GLRB: variants seen among roughly 807,000 people sequenced by gnomAD.
GLRB encodes glycine receptor beta, also known as glycine receptor subunit beta.
Under a neutral mutation model 54.2 loss-of-function variants are expected in GLRB, and 33 were observed. The observed-to-expected ratio is 0.61, with a 90% CI of 0.46 to 0.81. GLRB has a LOEUF of 0.81. GLRB is among the 40% of genes least tolerant of loss of function. GLRB has a pLI of 0.00. For missense variants in GLRB, 572 were observed against 584.6 expected, an observed-to-expected ratio of 0.98 and a Z score of 0.22; for synonymous variants, 209 against 208.2, an observed-to-expected ratio of 1.00 and a Z score of -0.03.
intron 4 of GLRB, among the ~76,000 whole-genome samples, chr4:157,127,066 T>A (rs1015826888): frequency 4.0e-5 from 6 of 151,686 alleles, no homozygotes; most frequent in Non-Finnish European, 5.9e-5. Flanking sequence ...AAGAAAAAAA[T>A]TCATATTTGG....
chr4:157,152,752 C>A lies in GLRB; in HGVS notation c.939C>A (p.Cys313Ter). ...CAGTCCTCAGCTTGGCCTCTGAGTGCACAACCCTTGCCGCTGAGCTTCCCA... is the reference window on the plus strand; with the variant it reads ...CAGTCCTCAGCTTGGCCTCTGAGTGAACAACCCTTGCCGCTGAGCTTCCCA... Reference protein sequence around the residue: ...IFSVLSLASECTTLAAELPKV... With the variant: ...IFSVLSLASE The change falls in exon 9 of 10, where the codon TGC (cysteine) becomes TGA (stop). Residue 313 changes from cysteine to a stop codon, truncating the protein, a stop_gained. Coordinates refer to ENST00000264428, the MANE Select transcript of GLRB (RefSeq NM_000824.5). LOFTEE classifies it high-confidence loss of function. The A allele has an allele frequency of 6.2e-7, 1 of 1,613,672 alleles. No individual in the cohort carries two copies. Among genetic ancestry groups the A allele is most frequent in the Non-Finnish European group, 8.5e-7 (1 of 1,179,658 alleles).
chr4:157,080,768 C>T (rs73856811), intron 2 of GLRB, among the ~76,000 whole-genome samples: 3 of 151,762 alleles, frequency 2.0e-5, no homozygotes, highest in Non-Finnish European at 4.4e-5. Context: ...AATTCTTGCC[C>T]AGTGATGTTT....
chr4:157,166,829 A>G (rs764439957), intron 9 of GLRB, among the ~76,000 whole-genome samples: 4 of 152,120 alleles, frequency 2.6e-5, no homozygotes, highest in Non-Finnish European at 2.9e-5. Flanking sequence ...CTCTGTGAAT[A>G]AACATAATAT....
rs543605798 is a variant in GLRB at position 157,125,156 on chromosome 4, T to C, written c.297+2759T>C. Among the ~76,000 whole-genome samples, 100 of 152,012 alleles carry C rather than the reference T, an allele frequency of 6.6e-4. 2 individuals carry two copies. Among genetic ancestry groups the C allele is most frequent in the Non-Finnish European group, 5.9e-5 (4 of 67,912 alleles). Reference sequence around the variant, plus strand: ...AAATAATAGTGATAACACAGAAGTGTAACCCAAAAGGGTATACATGTCTGG... The same window carrying C: ...AAATAATAGTGATAACACAGAAGTGCAACCCAAAAGGGTATACATGTCTGG... On this transcript the variant is annotated intron_variant, in intron 4 of 9. Transcript: ENST00000264428.
At chr4:157,150,816 CT>C (rs1270089586) in intron 8 of GLRB, among the ~76,000 whole-genome samples, 2 of 151,964 alleles carry the variant, frequency 1.3e-5, no homozygotes, top group African/African-American at 2.4e-5. Context: ...AATGTTTTCT[CT>C]GCTTTTTTTC....
At chr4:157,138,405 G>A (rs535448562) in intron 6 of GLRB, among the ~76,000 whole-genome samples, 33 of 152,084 alleles carry the variant, frequency 2.2e-4, no homozygotes, top group Non-Finnish European at 3.8e-4. Flanking sequence ...ATGTTTCAAT[G>A]ATTACATTTC....
intron 8 of GLRB, among the ~76,000 whole-genome samples, chr4:157,151,185 G>C (rs1737009556): frequency 6.6e-6 from 1 of 152,104 alleles, no homozygotes; most frequent in African/African-American, 2.4e-5. Flanking sequence ...AGAGAGGATA[G>C]TGTCAAAATA....
At chr4:157,110,509 G>A (rs1301216573) in intron 2 of GLRB, among the ~76,000 whole-genome samples, 1 of 151,780 alleles carries the variant, frequency 6.6e-6, no homozygotes, top group Non-Finnish European at 1.5e-5. Flanking sequence ...TTTTCTCTTT[G>A]TTGAAATTCA....
intron 6 of GLRB, among the ~76,000 whole-genome samples, chr4:157,138,562 A>G (rs1182773837): frequency 1.3e-5 from 2 of 152,178 alleles, no homozygotes; most frequent in Non-Finnish European, 2.9e-5. Flanking sequence ...ATGCCCTAGG[A>G]TTTTAAATCT....
At chr4:157,088,348 A>G (rs1053362705) in intron 2 of GLRB, among the ~76,000 whole-genome samples, 7 of 152,104 alleles carry the variant, frequency 4.6e-5, no homozygotes, top group African/African-American at 1.4e-4. Flanking sequence ...TATACATTCT[A>G]CTTGTATGTG....
chr4:157,124,554 T>C (rs1239618639), intron 4 of GLRB, among the ~76,000 whole-genome samples: 2 of 151,736 alleles, frequency 1.3e-5, no homozygotes, highest in Non-Finnish European at 2.9e-5. Flanking sequence ...CAATAGTGAG[T>C]GAATAAATGA....
chr4:157,098,943 C>T (rs1233384577), intron 2 of GLRB, among the ~76,000 whole-genome samples: 1 of 152,148 alleles, frequency 6.6e-6, no homozygotes, highest in South Asian at 2.1e-4. Context: ...GAATGCCTTC[C>T]GGTGACTGCT....
intron 2 of GLRB, among the ~76,000 whole-genome samples, chr4:157,091,185 A>G (rs948576084): frequency 2.0e-5 from 3 of 152,212 alleles, no homozygotes; most frequent in African/African-American, 7.2e-5. Context: ...TGAAACGATT[A>G]TAATAGTTTG....
chr4:157,128,639 C>A (rs911234822), intron 4 of GLRB, among the ~76,000 whole-genome samples: 39 of 151,726 alleles, frequency 2.6e-4, no homozygotes, highest in Admixed American at 6.6e-5. Context: ...CTAGCAGGCT[C>A]TCCTAATAGA....
intron 2 of GLRB, among the ~76,000 whole-genome samples, chr4:157,100,202 A>G (rs1027082962): frequency 6.6e-6 from 1 of 152,178 alleles, no homozygotes; most frequent in Admixed American, 6.5e-5. Context: ...CTTCAAGGTA[A>G]TGAACATCAG....
chr4:157,146,225 C>T (rs1015507276), intron 8 of GLRB, among the ~76,000 whole-genome samples: 3 of 151,988 alleles, frequency 2.0e-5, no homozygotes, highest in Non-Finnish European at 4.4e-5. Flanking sequence ...CCATGTCAGC[C>T]AGGCTGATAT....
intron 1 of GLRB, among the ~76,000 whole-genome samples, chr4:157,076,959 G>T (rs1017612814): frequency 7.4e-5 from 8 of 107,814 alleles, no homozygotes; most frequent in Non-Finnish European, 1.4e-4. Flanking sequence ...GATAAATATG[G>T]GGGGAAGAAT....
rs191876197 is a variant in GLRB, at chr4:157,126,799, T to G, written c.297+4402T>G. Among the ~76,000 whole-genome samples the G allele has an allele frequency of 7.9e-5, 12 of 152,016 alleles. No individual in the cohort carries two copies. The East Asian group carries it at 2.3e-3, about 30-fold the overall frequency. ...AACTTATGTAGGGAAAACTGGGTAT[T>G]ATCGTGTATTGTCATAATCTATACA... On this transcript the variant is annotated intron_variant, in intron 4 of 9. Transcript: ENST00000264428.
intron 2 of GLRB, among the ~76,000 whole-genome samples, chr4:157,113,572 T>A (rs1230852138): frequency 1.3e-5 from 2 of 152,004 alleles, no homozygotes; most frequent in African/African-American, 4.8e-5. Flanking sequence ...ATTAAAAATC[T>A]AGTATCTCTC....
Sources: gnomAD v4.1 joint callset for allele counts (sites outside exome capture counted in the v4.1 genomes callset) on GRCh38, gnomAD v4.1.1 for gene constraint, MANE v1.5 for transcripts, NCBI Gene and HGNC (gene_info 2026-07-23, HGNC 2026-07-21) for gene names.